DIP2C: variants seen among roughly 807,000 people sequenced by gnomAD.
DIP2C encodes DIP2 acetate--CoA ligase C (putative), also known as disco-interacting protein 2 homolog C.
DIP2C carries 33 observed loss-of-function variants against 192.4 expected under a neutral mutation model. The ratio of observed to expected loss-of-function variants is 0.17; its 90% CI spans 0.13 to 0.23. The LOEUF is 0.23. Ranked by LOEUF, DIP2C falls within the 10% of genes least tolerant of loss-of-function variation. The pLI, the probability that DIP2C is intolerant of heterozygous loss-of-function variation, is 1.00. For missense variants in DIP2C, 1,537 were observed against 2,110.1 expected (o/e 0.73, Z 5.32); for synonymous variants, 979 against 864.1 (o/e 1.13, Z -2.33).
At chr10:609,006 A>T (rs1294584098) in intron 1 of DIP2C, among the ~76,000 whole-genome samples, 2 of 152,196 alleles carry the variant, frequency 1.3e-5, no homozygotes, top group East Asian at 3.9e-4. Context: ...ACACAGAAGA[A>T]AACCCTATAA....
intron 6 of DIP2C, among the ~76,000 whole-genome samples, chr10:417,637 G>GGTTCGA (rs1564684468): frequency 2.5e-4 from 2 of 7,958 alleles, no homozygotes; most frequent in Non-Finnish European, 8.6e-4. Flanking sequence ...TCAGGGCTCG[G>GGTTCGA]ATAGGCCTCC....
intron 1 of DIP2C, among the ~76,000 whole-genome samples, chr10:589,305 G>C (rs892595899): frequency 6.6e-6 from 1 of 152,022 alleles, no homozygotes; most frequent in East Asian, 1.9e-4. Context: ...AATTCCCTAG[G>C]GGTGTCTTTT....
At chr10:522,103 A>G (rs1405866936) in intron 1 of DIP2C, among the ~76,000 whole-genome samples, 1 of 150,100 alleles carries the variant, frequency 6.7e-6, no homozygotes. Flanking sequence ...CCCCTCCCCA[A>G]CCCCTGGCAG....
At position 488,985 on chromosome 10, in the gene DIP2C, G is replaced by C. The variant is rs533410837; in HGVS notation, c.86-2455C>G. Among the ~76,000 whole-genome samples, 3 of 152,146 alleles carry C rather than the reference G, an allele frequency of 2.0e-5. No individual in the cohort carries two copies. The East Asian group carries it at 5.8e-4, about 29-fold the overall frequency. ...GTGCGCTGAAGACCTGGGCAGACGC[G>C]GGGTGATCATTTACCTGTTCAGTTA... On this transcript the variant is annotated intron_variant, in intron 1 of 36. Transcript: ENST00000280886.
chr10:398,863 C>CA (rs1320924279), intron 10 of DIP2C, among the ~76,000 whole-genome samples: 2 of 152,142 alleles, frequency 1.3e-5, no homozygotes, highest in African/African-American at 2.4e-5. Context: ...ACAAGATTCT[C>CA]AAACACCCTT....
At chr10:319,763 G>A (rs780461934) in intron 31 of DIP2C, among the ~76,000 whole-genome samples, 1 of 152,142 alleles carries the variant, frequency 6.6e-6, no homozygotes, top group African/African-American at 2.4e-5. Context: ...AAGGTACTGG[G>A]AAATGTTACT....
At chr10:310,727 T>A (rs1956532015) in intron 31 of DIP2C, among the ~76,000 whole-genome samples, 1 of 152,164 alleles carries the variant, frequency 6.6e-6, no homozygotes, top group South Asian at 2.1e-4. Context: ...GGTCCAGAAA[T>A]CTTTTCTTGG....
At chr10:672,378 C>G (rs538080898) in intron 1 of DIP2C, among the ~76,000 whole-genome samples, 2 of 152,338 alleles carry the variant, frequency 1.3e-5, no homozygotes, top group African/African-American at 4.8e-5. Context: ...GAACATCGGA[C>G]AGGAACGTCC....
intron 10 of DIP2C, among the ~76,000 whole-genome samples, chr10:395,651 A>C (rs1445790341): frequency 1.3e-5 from 2 of 148,376 alleles, no homozygotes; most frequent in African/African-American, 4.9e-5. Flanking sequence ...ATCTGTAGGC[A>C]AAGTCACCTC....
chr10:394,409 AG>A (rs1963777947), intron 10 of DIP2C, among the ~76,000 whole-genome samples: 1 of 103,328 alleles, frequency 9.7e-6, no homozygotes, highest in African/African-American at 3.6e-5. Context: ...GTGCTGAACC[AG>A]GAGGACATTA....
intron 1 of DIP2C, among the ~76,000 whole-genome samples, chr10:680,723 T>A (rs1831099716): frequency 6.6e-6 from 1 of 152,242 alleles, no homozygotes; most frequent in African/African-American, 2.4e-5. Flanking sequence ...AAAACAAGGA[T>A]TCAAAACAGA....
chr10:330,362 A>ATCC (rs2132463937), intron 29 of DIP2C, among the ~76,000 whole-genome samples: 1 of 220 alleles, frequency 4.5e-3, no homozygotes, highest in South Asian at 0.12. Flanking sequence ...TACATATTTT[A>ATCC]TCAATTGATG....
chr10:384,779 C>A, intron 14 of DIP2C, 140 bp from the exon 15 acceptor site: 1 of 758,188 alleles, frequency 1.3e-6, no homozygotes, highest in Admixed American at 2.4e-5. Flanking sequence ...CACACAGGCC[C>A]CTGGAGGCTC....
chr10:384,716 C>T, intron 14 of DIP2C, 77 bp from the exon 15 acceptor site: 2 of 1,419,214 alleles, frequency 1.4e-6, no homozygotes, highest in Non-Finnish European at 2.0e-6. Context: ...GTGGCATGGA[C>T]ACTAGGCCGC....
chr10:338,424 G>C (rs1434347841), intron 29 of DIP2C, among the ~76,000 whole-genome samples: 1 of 144,034 alleles, frequency 6.9e-6, no homozygotes. Flanking sequence ...GCCCTACACA[G>C]TTTTTTTTTT....
At chr10:583,522 CAGG>C (rs1850794602) in intron 1 of DIP2C, among the ~76,000 whole-genome samples, 1 of 152,168 alleles carries the variant, frequency 6.6e-6, no homozygotes, top group African/African-American at 2.4e-5. Flanking sequence ...TGTAAGCAGT[CAGG>C]AGAGGGGCGG....
At chr10:364,844 A>C (rs1310261532) in intron 19 of DIP2C, 1 of 639,754 alleles carries the variant, frequency 1.6e-6, no homozygotes, top group Non-Finnish European at 2.9e-6. Context: ...CTGAACCCTG[A>C]ACAGATAACA....
chr10:283,849 C>G (rs550996269), intron 34 of DIP2C, among the ~76,000 whole-genome samples: 25 of 152,194 alleles, frequency 1.6e-4, no homozygotes, highest in African/African-American at 6.0e-4. Flanking sequence ...CTCATTTCAC[C>G]TGGTTAGCTA....
intron 3 of DIP2C, among the ~76,000 whole-genome samples, chr10:466,789 T>C (rs1970236070): frequency 6.8e-6 from 1 of 147,086 alleles, no homozygotes; most frequent in Non-Finnish European, 1.5e-5. Flanking sequence ...AAAATGCTCA[T>C]CATCACTGGC....
Sources: gnomAD v4.1 joint callset for allele counts (sites outside exome capture counted in the v4.1 genomes callset) on GRCh38, gnomAD v4.1.1 for gene constraint, MANE v1.5 for transcripts, NCBI Gene and HGNC (gene_info 2026-07-23, HGNC 2026-07-21) for gene names.